Variants in SUGCT observed in about 807,000 individuals in gnomAD.
SUGCT encodes the protein succinyl-CoA:glutarate CoA-transferase.
Under a neutral mutation model 55.0 loss-of-function variants are expected in SUGCT, and 41 were observed. The observed-to-expected ratio is 0.74, with a 90% CI of 0.58 to 0.97. SUGCT has a LOEUF of 0.97. SUGCT is among the 50% of genes least tolerant of loss of function. The pLI, the probability that SUGCT is intolerant of heterozygous loss-of-function variation, is 0.00. For missense variants in SUGCT, 568 were observed against 547.8 expected, an observed-to-expected ratio of 1.04 and a Z score of -0.37; for synonymous variants, 187 against 200.4, an observed-to-expected ratio of 0.93 and a Z score of 0.56.
intron 12 of SUGCT, among the ~76,000 whole-genome samples, chr7:40,689,372 T>A (rs1168581499): frequency 6.6e-6 from 1 of 152,226 alleles, no homozygotes; most frequent in South Asian, 2.1e-4. Context: ...CTGAATTTTT[T>A]AAGAAAATCA....
intron 9 of SUGCT, among the ~76,000 whole-genome samples, chr7:40,358,111 A>G (rs1227764422): frequency 6.6e-6 from 1 of 152,236 alleles, no homozygotes; most frequent in Non-Finnish European, 1.5e-5. Flanking sequence ...TAATAAACCT[A>G]AAAGATCTGT....
At chr7:40,152,929 A>G (rs1327457849) in intron 1 of SUGCT, 1 of 159,618 alleles carries the variant, frequency 6.3e-6, no homozygotes, top group Non-Finnish European at 1.4e-5. Flanking sequence ...CTGGTCTCGA[A>G]CTCCTGACCT....
At chr7:40,500,433 A>C (rs763312573) in intron 12 of SUGCT, among the ~76,000 whole-genome samples, 3 of 152,300 alleles carry the variant, frequency 2.0e-5, no homozygotes, top group Middle Eastern at 3.4e-3. Context: ...CTCTAAAAGG[A>C]TACCAAAACA....
intron 12 of SUGCT, among the ~76,000 whole-genome samples, chr7:40,564,291 G>A (rs537019680): frequency 6.6e-6 from 1 of 152,292 alleles, no homozygotes; most frequent in African/African-American, 2.4e-5. Context: ...CAGGAGAATG[G>A]CGTGAATCCG....
chr7:40,196,961 A>T (rs967925106), intron 6 of SUGCT, among the ~76,000 whole-genome samples: 1 of 151,858 alleles, frequency 6.6e-6, no homozygotes, highest in South Asian at 2.1e-4. Flanking sequence ...CAGCCACCCG[A>T]GTAGATGGGA....
chr7:40,867,994 T>C, the SUGCT span, among the ~76,000 whole-genome samples: 4 of 152,244 alleles, frequency 2.6e-5, no homozygotes, highest in Admixed American at 6.5e-5. Context: ...TGAATAGACA[T>C]CCTCTCACCC....
chr7:40,512,566 ATATT>A (rs1792987659), intron 12 of SUGCT, among the ~76,000 whole-genome samples: 1 of 152,134 alleles, frequency 6.6e-6, no homozygotes, highest in South Asian at 2.1e-4. Context: ...TTTTCTTTAA[ATATT>A]TATTTATTTT....
the SUGCT span, among the ~76,000 whole-genome samples, chr7:41,029,325 A>G: frequency 1.3e-5 from 2 of 152,130 alleles, no homozygotes; most frequent in Admixed American, 6.5e-5. Flanking sequence ...TTAGTCACAT[A>G]TTAGTCAGAA....
chr7:40,178,561 G>C (rs1442814322), intron 1 of SUGCT, among the ~76,000 whole-genome samples: 2 of 148,686 alleles, frequency 1.3e-5, no homozygotes, highest in East Asian at 4.0e-4. Flanking sequence ...TTTTTTTTTT[G>C]CTCCAGTTTT....
intron 12 of SUGCT, among the ~76,000 whole-genome samples, chr7:40,595,544 GA>G (rs1305930021): frequency 6.6e-6 from 1 of 151,712 alleles, no homozygotes; most frequent in Non-Finnish European, 1.5e-5. Context: ...CAGGGGCATG[GA>G]AAAAGAGAAG....
chr7:40,563,081 CGCACAT>C (rs1165069250), intron 12 of SUGCT, among the ~76,000 whole-genome samples: 3 of 152,220 alleles, frequency 2.0e-5, no homozygotes, highest in South Asian at 2.1e-4. Context: ...TGGATCATCA[CGCACAT>C]GCACATGCAC....
At chr7:40,603,693 T>A (rs906783851) in intron 12 of SUGCT, among the ~76,000 whole-genome samples, 4 of 152,180 alleles carry the variant, frequency 2.6e-5, no homozygotes, top group Non-Finnish European at 4.4e-5. Context: ...GGACTAGAAA[T>A]GAGAAAAATT....
intron 6 of SUGCT, among the ~76,000 whole-genome samples, chr7:40,217,095 T>C (rs1344744566): frequency 6.6e-6 from 1 of 152,190 alleles, no homozygotes; most frequent in Middle Eastern, 3.2e-3. Flanking sequence ...CTGAGGTTTC[T>C]AGTCTGTTGT....
intron 12 of SUGCT, among the ~76,000 whole-genome samples, chr7:40,529,467 C>T (rs552052853): frequency 1.3e-5 from 2 of 152,308 alleles, no homozygotes; most frequent in Admixed American, 6.5e-5. Flanking sequence ...GTGGCAATTC[C>T]GTGGTCATCA....
intron 12 of SUGCT, among the ~76,000 whole-genome samples, chr7:40,545,256 C>T (rs1012871564): frequency 1.3e-5 from 2 of 152,186 alleles, no homozygotes; most frequent in Non-Finnish European, 1.5e-5. Flanking sequence ...AAAGTCATGA[C>T]ATATTCGGTA....
chr7:40,227,043 CTTTTTTTTT>C (rs35073564), intron 6 of SUGCT, among the ~76,000 whole-genome samples: 2 of 96,226 alleles, frequency 2.1e-5, no homozygotes, highest in Admixed American at 3.0e-4. Flanking sequence ...TTTAATAGAT[CTTTTTTTTT>C]TTTTTTTTTT....
chr7:40,772,557 TCTATCTGGTGTTATCTATCTG>T (rs1562994250), intron 13 of SUGCT, among the ~76,000 whole-genome samples: 3 of 142,756 alleles, frequency 2.1e-5, no homozygotes, highest in African/African-American at 7.9e-5. Flanking sequence ...TATCTATCTA[TCTATCTGGTGTTATCTATCTG>T]CTATCTATCT....
chr7:41,002,475 T>G, the SUGCT span, among the ~76,000 whole-genome samples: 1 of 152,102 alleles, frequency 6.6e-6, no homozygotes, highest in African/African-American at 2.4e-5. Context: ...GTTGCAAGGA[T>G]GTAGAAGATA....
the SUGCT span, among the ~76,000 whole-genome samples, chr7:40,914,438 T>A: frequency 6.6e-6 from 1 of 152,160 alleles, no homozygotes; most frequent in Non-Finnish European, 1.5e-5. Flanking sequence ...TTCAGCCCTC[T>A]ACAAAGCCAG....
Sources: gnomAD v4.1 joint callset for allele counts (sites outside exome capture counted in the v4.1 genomes callset) on GRCh38, gnomAD v4.1.1 for gene constraint, MANE v1.5 for transcripts, NCBI Gene and HGNC (gene_info 2026-07-23, HGNC 2026-07-21) for gene names.